The following TRIM2 variants were observed in gnomAD, a reference collection of about 807,000 sequenced individuals.
The protein encoded by TRIM2 is tripartite motif containing 2, also known as tripartite motif-containing protein 2.
TRIM2 carries 20 observed loss-of-function variants against 75.2 expected under a neutral mutation model. The ratio of observed to expected loss-of-function variants is 0.27; its 90% CI spans 0.19 to 0.39. The LOEUF (loss-of-function observed/expected upper bound fraction) is 0.39. Ranked by LOEUF, TRIM2 falls within the 10% of genes least tolerant of loss-of-function variation. The pLI is 1.00. For synonymous variants in TRIM2, 373 were observed against 388.3 expected (o/e 0.96, Z 0.46); for missense variants, 660 against 990.8 (o/e 0.67, Z 4.48).
At chr4:153,280,066 C>T (rs1216699874) in intron 3 of TRIM2, among the ~76,000 whole-genome samples, 1 of 151,174 alleles carries the variant, frequency 6.6e-6, no homozygotes, top group African/African-American at 2.4e-5. Flanking sequence ...AAAGCGAGAC[C>T]CTGCCCCTAC....
chr4:153,230,095 C>T (rs2149796596), intron 1 of TRIM2, among the ~76,000 whole-genome samples: 1 of 152,344 alleles, frequency 6.6e-6, no homozygotes, highest in South Asian at 2.1e-4. Flanking sequence ...GTCTTTCAGT[C>T]TCTAGGGGCC....
At chr4:153,314,688 GAGAATATCTTTTTATAATTTCAGGA>G (rs1343189352) in intron 6 of TRIM2, among the ~76,000 whole-genome samples, 3 of 151,928 alleles carry the variant, frequency 2.0e-5, no homozygotes, top group Non-Finnish European at 4.4e-5. Context: ...AGCACCCTGC[GAGAATATCTTTTTATAATTTCAGGA>G]AGAATATCCA....
intron 1 of TRIM2, among the ~76,000 whole-genome samples, chr4:153,210,279 G>A (rs1043810868): frequency 3.9e-5 from 6 of 151,972 alleles, no homozygotes; most frequent in Admixed American, 2.0e-4. Flanking sequence ...TGGCCAGGCC[G>A]GTCTCAAACT....
At chr4:153,186,488 T>G (rs1212393531) in intron 1 of TRIM2, among the ~76,000 whole-genome samples, 1 of 152,192 alleles carries the variant, frequency 6.6e-6, no homozygotes, top group African/African-American at 2.4e-5. Flanking sequence ...CATTTCACCC[T>G]CTTAAGGAGC....
intron 2 of TRIM2, among the ~76,000 whole-genome samples, chr4:153,270,824 T>C (rs1756494259): frequency 6.6e-6 from 1 of 152,212 alleles, no homozygotes; most frequent in Non-Finnish European, 1.5e-5. Flanking sequence ...ACAATTTTTG[T>C]CCACAGCAGA....
chr4:153,204,577 A>C lies in TRIM2; in HGVS notation c.30+17A>C. 1.3e-6 allele frequency: 2 copies of C among 1,551,674 alleles called. No individual in the cohort carries two copies. Among genetic ancestry groups the C allele is most frequent in the South Asian group, 2.4e-5 (2 of 84,054 alleles). ...GGAACGCAGGTAAGGACGCTTCTCAATGTGGGATAATTCTTTTTCTGGGCC... is the reference window on the plus strand; with the variant it reads ...GGAACGCAGGTAAGGACGCTTCTCACTGTGGGATAATTCTTTTTCTGGGCC... On this transcript the variant is annotated intron_variant, in intron 1 of 11. Transcript: ENST00000338700.
At chr4:153,168,082 C>T (rs1730485735) in intron 1 of TRIM2, among the ~76,000 whole-genome samples, 1 of 151,504 alleles carries the variant, frequency 6.6e-6, no homozygotes, top group Non-Finnish European at 1.5e-5. Flanking sequence ...TATAAGTAAA[C>T]ATTTTAAATA....
rs761032197 is a variant in TRIM2 at position 153,257,897 on chromosome 4, A to G, written c.31-12438A>G. ...CATCCTCTGTAGCTGTAAAATGCAG[A>G]CCCATTCTTTGCTTAAACAAAGGCA... On this transcript the variant is annotated intron_variant, in intron 1 of 11. Transcript: ENST00000338700. 1.2e-3 allele frequency: 335 copies of G among 280,152 alleles called. 1 individual carries two copies. Among genetic ancestry groups the G allele is most frequent in the Non-Finnish European group, 1.8e-3 (259 of 141,038 alleles). 17.4% of individuals were successfully genotyped at this position (280,152 alleles called of 1,614,324 possible).
At chr4:153,323,631 G>A (rs1412526407) in intron 9 of TRIM2, among the ~76,000 whole-genome samples, 4 of 152,124 alleles carry the variant, frequency 2.6e-5, no homozygotes, top group Non-Finnish European at 5.9e-5. Context: ...ACAGGCATGT[G>A]CCACCATGTC....
chr4:153,232,283 C>G (rs987211618), intron 1 of TRIM2, among the ~76,000 whole-genome samples: 24 of 152,174 alleles, frequency 1.6e-4, no homozygotes, highest in African/African-American at 5.1e-4. Flanking sequence ...GAGGCCGAGG[C>G]AGGCAGATGG....
intron 6 of TRIM2, 27 bp downstream of exon 6, chr4:153,296,063 G>A (rs766630058): frequency 2.6e-6 from 4 of 1,511,906 alleles, no homozygotes; most frequent in Non-Finnish European, 8.8e-7. Context: ...TGTGCCCGAC[G>A]CCTGAGCTGG....
At chr4:153,252,911 C>G (rs376727858) in intron 1 of TRIM2, among the ~76,000 whole-genome samples, 1 of 152,208 alleles carries the variant, frequency 6.6e-6, no homozygotes, top group Non-Finnish European at 1.5e-5. Flanking sequence ...ACCTTTATGT[C>G]ATATTATGTC....
chr4:153,168,658 A>C (rs1296272561), intron 1 of TRIM2, among the ~76,000 whole-genome samples: 2 of 151,818 alleles, frequency 1.3e-5, no homozygotes, highest in Admixed American at 1.3e-4. Flanking sequence ...TGAGGAGGCA[A>C]GGGAGTGTCA....
At chr4:153,292,529 A>G in intron 3 of TRIM2, among the ~76,000 whole-genome samples, 1 of 152,184 alleles carries the variant, frequency 6.6e-6, no homozygotes, top group Non-Finnish European at 1.5e-5. Context: ...GGCCTCGAGT[A>G]ATCCTCCAGC....
At chr4:153,308,477 C>T in intron 6 of TRIM2, 1 of 774,220 alleles carries the variant, frequency 1.3e-6, no homozygotes. Flanking sequence ...AAGCCACTAT[C>T]TAGGTGGCCA....
At chr4:153,249,872 T>G (rs1750410784) in intron 1 of TRIM2, among the ~76,000 whole-genome samples, 1 of 152,222 alleles carries the variant, frequency 6.6e-6, no homozygotes, top group Non-Finnish European at 1.5e-5. Flanking sequence ...TGGACACGGA[T>G]GCAATCAGGA....
intron 2 of TRIM2, among the ~76,000 whole-genome samples, chr4:153,270,742 A>T (rs1047610416): frequency 2.0e-5 from 3 of 152,266 alleles, no homozygotes; most frequent in African/African-American, 7.2e-5. Context: ...ATTCGTTTAC[A>T]CAAGAGATGG....
intron 1 of TRIM2, among the ~76,000 whole-genome samples, chr4:153,243,279 G>A (rs185636233): frequency 6.6e-6 from 1 of 152,354 alleles, no homozygotes. Context: ...AGGTGATGGA[G>A]TTTATGCCCT....
chr4:153,230,007 C>T (rs1183357660), intron 1 of TRIM2, among the ~76,000 whole-genome samples: 1 of 152,118 alleles, frequency 6.6e-6, no homozygotes, highest in Non-Finnish European at 1.5e-5. Flanking sequence ...TTGATGGGGG[C>T]CGAGGGGGAC....
Sources: allele counts gnomAD v4.1 joint callset (sites outside exome capture counted in the v4.1 genomes callset), GRCh38; gene constraint gnomAD v4.1.1; transcripts MANE v1.5; gene names NCBI Gene and HGNC (gene_info 2026-07-23, HGNC 2026-07-21).